CFDP1: variants seen among roughly 807,000 people sequenced by gnomAD.
CFDP1 encodes chromatin remodeling protein CFDP1, also known as heterochromatin-stabilizing protein CFDP1.
Under a neutral mutation model 40.1 loss-of-function variants are expected in CFDP1, and 31 were observed. The ratio of observed to expected loss-of-function variants is 0.77; its 90% confidence interval spans 0.58 to 1.04. The LOEUF is 1.04. Ranked by LOEUF, CFDP1 falls within the 50% of genes least tolerant of loss-of-function variation. The pLI is 0.00. For synonymous variants in CFDP1, 167 were observed against 120.0 expected, an observed-to-expected ratio of 1.39 and a Z score of -2.56; for missense variants, 423 against 343.4, an observed-to-expected ratio of 1.23 and a Z score of -1.83.
chr16:75,393,753 A>C (rs1381034228), intron 5 of CFDP1, among the ~76,000 whole-genome samples: 1 of 65,142 alleles, frequency 1.5e-5, no homozygotes, highest in African/African-American at 5.3e-5. Context: ...AAAAAAAAAA[A>C]AAAAAAAAAA....
chr16:75,356,106 T>C (rs185477979), intron 5 of CFDP1, among the ~76,000 whole-genome samples: 12 of 152,344 alleles, frequency 7.9e-5, no homozygotes, highest in Non-Finnish European at 1.6e-4. Context: ...ATGTTCTTAA[T>C]GGCATCTAGG....
intron 1 of CFDP1, among the ~76,000 whole-genome samples, chr16:75,415,750 T>C (rs1029934485): frequency 6.6e-6 from 1 of 152,362 alleles, no homozygotes; most frequent in East Asian, 1.9e-4. Flanking sequence ...TGTATGACTA[T>C]ACCATAATCC....
chr16:75,416,468 A>G (rs1262485202), intron 1 of CFDP1, among the ~76,000 whole-genome samples: 1 of 151,676 alleles, frequency 6.6e-6, no homozygotes, highest in Non-Finnish European at 1.5e-5. Context: ...GAGATTTAAA[A>G]AAAAAAAAAA....
chr16:75,353,471 T>A (rs906887933), intron 5 of CFDP1, among the ~76,000 whole-genome samples: 1 of 152,086 alleles, frequency 6.6e-6, no homozygotes, highest in African/African-American at 2.4e-5. Flanking sequence ...ATATAAATAG[T>A]CATTAATGAG....
Position 75,412,636 on chromosome 16 carries a change from C to T in CFDP1, c.301G>A (p.Gly101Arg), listed in dbSNP as rs767175579. Residue 101 changes from glycine (G) to arginine (R), a missense_variant, in exon 3 of 7, where the codon GGA becomes AGA. Gly to Arg is a moderately radical substitution (Grantham distance 125, BLOSUM62 -2). Transcript: ENST00000283882. ...DDAAEQEKGI[G>R]SEDARKKKED... ...TTCTTTTTCCTGGCATCCTCTGATC[C>T]AATGCCTTTTTCCTGCTCTGCAGCG... 1.2e-6 allele frequency: 2 copies of T among 1,613,982 alleles called. No individual in the cohort carries two copies. The highest frequency in any genetic ancestry group is 8.5e-7 in the Non-Finnish European group (1 of 1,180,016).
intron 5 of CFDP1, among the ~76,000 whole-genome samples, chr16:75,389,988 C>T (rs1467212583): frequency 6.6e-6 from 1 of 152,224 alleles, no homozygotes; most frequent in Admixed American, 6.5e-5. Context: ...CATAATTAAA[C>T]ACGTACATTT....
At chr16:75,301,536 CTTTTTTTTTTTTTTT>C (rs546724752) in intron 6 of CFDP1, among the ~76,000 whole-genome samples, 3 of 53,938 alleles carry the variant, frequency 5.6e-5, no homozygotes, top group East Asian at 7.8e-4. Context: ...TTTGTTGTGT[CTTTTTTTTTTTTTTT>C]TTTTTTTTTT....
chr16:75,386,352 G>T (rs1312201188), intron 5 of CFDP1, among the ~76,000 whole-genome samples: 1 of 152,192 alleles, frequency 6.6e-6, no homozygotes, highest in Non-Finnish European at 1.5e-5. Flanking sequence ...TAGGTTCAGA[G>T]TATTTGTTGT....
chr16:75,382,578 T>G (rs1468827935), intron 5 of CFDP1, among the ~76,000 whole-genome samples: 1 of 152,220 alleles, frequency 6.6e-6, no homozygotes, highest in Non-Finnish European at 1.5e-5. Context: ...CAGCGTGCCC[T>G]TTTGAAATGG....
chr16:75,420,285 A>C (rs191867287), intron 1 of CFDP1, among the ~76,000 whole-genome samples: 1 of 152,226 alleles, frequency 6.6e-6, no homozygotes, highest in Non-Finnish European at 1.5e-5. Flanking sequence ...ATAGTTATCA[A>C]CCAGATATTG....
In CFDP1 at chr16:75,397,946, T is replaced by A. The variant is rs189158338; in HGVS notation, c.531-2737A>T. On this transcript the variant is annotated intron_variant, in intron 4 of 6. Transcript: ENST00000283882. ...TCTGAGAGGAACAGAAGCTTAAACA[T>A]GTTTGTGCTGTTTCTCTTGCCCCTT... Among the ~76,000 whole-genome samples, 431 of 152,362 alleles carry A rather than the reference T, an allele frequency of 2.8e-3. 1 individual carries two copies. Among genetic ancestry groups the A allele is most frequent in the Non-Finnish European group, 4.7e-3 (319 of 68,038 alleles).
chr16:75,420,737 T>C (rs868581711), intron 1 of CFDP1, among the ~76,000 whole-genome samples: 14 of 152,246 alleles, frequency 9.2e-5, no homozygotes, highest in Middle Eastern at 6.8e-3. Flanking sequence ...GTAAATACAA[T>C]TGCAGGCTGA....
chr16:75,388,356 G>A lies in CFDP1; in HGVS notation c.650+6734C>T, dbSNP rs10514395. ...GAATATTTAACCTGTAGTCTGAGAAGATAGTATGTTTGGTATTTAATCTAG... is the reference window on the plus strand; with the variant it reads ...GAATATTTAACCTGTAGTCTGAGAAAATAGTATGTTTGGTATTTAATCTAG... On this transcript the variant is annotated intron_variant, in intron 5 of 6. Coordinates refer to ENST00000283882, the MANE Select transcript of CFDP1 (RefSeq NM_006324.3). Among the ~76,000 whole-genome samples, 233 of 152,296 alleles carry A rather than the reference G, an allele frequency of 1.5e-3. 2 individuals are homozygous for A. The South Asian group carries it at 0.019, about 13-fold the overall frequency.
intron 1 of CFDP1, among the ~76,000 whole-genome samples, chr16:75,416,632 C>T (rs974767762): frequency 6.6e-6 from 1 of 152,060 alleles, no homozygotes; most frequent in African/African-American, 2.4e-5. Context: ...TGGTGGTACA[C>T]ACCTCTAGTC....
chr16:75,324,724 CAG>C (rs1386735620), intron 5 of CFDP1: 2 of 132,434 alleles, frequency 1.5e-5, no homozygotes, highest in African/African-American at 5.8e-5. Flanking sequence ...GCCTGGGCTA[CAG>C]AGTGAGACTT....
intron 5 of CFDP1, among the ~76,000 whole-genome samples, chr16:75,318,050 G>A (rs2078335658): frequency 6.6e-6 from 1 of 152,112 alleles, no homozygotes; most frequent in African/African-American, 2.4e-5. Flanking sequence ...GAACTTGGGA[G>A]GCAGAGGTTG....
chr16:75,430,484 A>T (rs537842279), intron 1 of CFDP1, among the ~76,000 whole-genome samples: 286 of 150,012 alleles, frequency 1.9e-3, no homozygotes, highest in Middle Eastern at 6.9e-3. Flanking sequence ...TTTTTTTTTT[A>T]AATGGAGTCT....
intron 5 of CFDP1, among the ~76,000 whole-genome samples, chr16:75,387,339 C>CA (rs1194201117): frequency 6.6e-6 from 1 of 152,146 alleles, no homozygotes; most frequent in East Asian, 1.9e-4. Context: ...ACGGGGGTTT[C>CA]ACCGTGTTAG....
intron 5 of CFDP1, 80 bp downstream of exon 5, chr16:75,395,010 T>C (rs1195616467): frequency 1.9e-6 from 3 of 1,543,318 alleles, no homozygotes; most frequent in African/African-American, 2.7e-5. Flanking sequence ...AGGAGTCTGA[T>C]CTGCAGCGAA....
Sources: allele counts gnomAD v4.1 joint callset (sites outside exome capture counted in the v4.1 genomes callset), GRCh38; gene constraint gnomAD v4.1.1; transcripts MANE v1.5; gene names NCBI Gene and HGNC (gene_info 2026-07-23, HGNC 2026-07-21).